Variants in KALRN observed in about 807,000 individuals in gnomAD.
The protein encoded by KALRN is kalirin RhoGEF kinase, also known as kalirin.
A neutral mutation model predicts 353.7 loss-of-function variants in KALRN; 70 were observed. That is an observed-to-expected ratio of 0.20 (90% CI 0.16 to 0.24). The LOEUF (loss-of-function observed/expected upper bound fraction) is 0.24. Ranked by LOEUF, KALRN falls within the 10% of genes least tolerant of loss-of-function variation. KALRN has a pLI of 1.00. For missense variants in KALRN, 2,791 were observed against 3,756.7 expected, an observed-to-expected ratio of 0.74 and a Z score of 6.72; for synonymous variants, 1,391 against 1,434.8, an observed-to-expected ratio of 0.97 and a Z score of 0.69.
At chr3:124,294,555 C>T (rs1427347604) in intron 5 of KALRN, among the ~76,000 whole-genome samples, 2 of 91,326 alleles carry the variant, frequency 2.2e-5, no homozygotes, top group African/African-American at 4.2e-5. Flanking sequence ...GATGGAGTCT[C>T]GCACTGTTCC....
chr3:124,110,833 A>G (rs1285183840), intron 1 of KALRN, among the ~76,000 whole-genome samples: 4 of 152,202 alleles, frequency 2.6e-5, no homozygotes, highest in Non-Finnish European at 4.4e-5. Flanking sequence ...AGCCTAGCTT[A>G]GAGTGAATGT....
chr3:124,657,979 C>T (rs2084295437), intron 41 of KALRN, among the ~76,000 whole-genome samples, 176 bp downstream of exon 41: 1 of 152,036 alleles, frequency 6.6e-6, no homozygotes. Flanking sequence ...ATAGTGAGGC[C>T]CCCATCTCTA....
intron 34 of KALRN, among the ~76,000 whole-genome samples, chr3:124,572,228 G>T (rs1312012586): frequency 1.3e-5 from 2 of 151,748 alleles, no homozygotes; most frequent in Non-Finnish European, 2.9e-5. Flanking sequence ...GGGTGGAGGT[G>T]GGGGAAGGGC....
intron 8 of KALRN, among the ~76,000 whole-genome samples, chr3:124,333,637 A>T (rs1305375729): frequency 2.0e-5 from 3 of 151,942 alleles, no homozygotes; most frequent in African/African-American, 7.3e-5. Flanking sequence ...CCTGTAATCC[A>T]AGCACTTTGG....
At chr3:124,089,540 G>T (rs559473054) in intron 1 of KALRN, among the ~76,000 whole-genome samples, 1 of 152,304 alleles carries the variant, frequency 6.6e-6, no homozygotes, top group East Asian at 1.9e-4. Context: ...TGGAGGAACT[G>T]CATGACTGGC....
intron 1 of KALRN, among the ~76,000 whole-genome samples, chr3:124,221,354 G>A (rs1044117260): frequency 5.3e-5 from 8 of 152,144 alleles, no homozygotes; most frequent in Non-Finnish European, 8.8e-5. Context: ...GTGCCTGTGC[G>A]TGGTCAGTTT....
At chr3:124,223,191 A>G (rs1041350547) in intron 1 of KALRN, among the ~76,000 whole-genome samples, 1 of 151,684 alleles carries the variant, frequency 6.6e-6, no homozygotes, top group Admixed American at 6.6e-5. Flanking sequence ...TATTTGTCTT[A>G]CTGTCACTGA....
intron 1 of KALRN, chr3:124,080,001 C>T (rs2060457212): frequency 4.3e-6 from 2 of 470,000 alleles, no homozygotes; most frequent in South Asian, 3.1e-5. Flanking sequence ...TCTCAGAATC[C>T]CCATAGCATT....
At chr3:124,467,927 C>T (rs902568926) in intron 25 of KALRN, among the ~76,000 whole-genome samples, 4 of 151,852 alleles carry the variant, frequency 2.6e-5, no homozygotes, top group South Asian at 2.1e-4. Flanking sequence ...GAGGCAATGA[C>T]GGTGGGAGGG....
At chr3:124,173,759 G>T (rs1485002700) in intron 1 of KALRN, among the ~76,000 whole-genome samples, 1 of 152,172 alleles carries the variant, frequency 6.6e-6, no homozygotes, top group East Asian at 1.9e-4. Flanking sequence ...GGGATTACAG[G>T]CATGTGCCAC....
At chr3:124,384,763 G>A (rs749190643) in intron 10 of KALRN, 82 bp from the exon 11 acceptor site, 159 of 1,375,252 alleles carry the variant, frequency 1.2e-4, no homozygotes, top group Non-Finnish European at 1.5e-4. Flanking sequence ...ACGCCCCTCC[G>A]CTTCAGCTCC....
intron 33 of KALRN, among the ~76,000 whole-genome samples, chr3:124,558,777 G>A (rs1275485207): frequency 6.6e-6 from 1 of 152,236 alleles, no homozygotes; most frequent in African/African-American, 2.4e-5. Context: ...GAGCTGCAGA[G>A]CCCATGCCCT....
intron 3 of KALRN, among the ~76,000 whole-genome samples, chr3:124,238,289 A>T (rs1285836101): frequency 6.6e-6 from 1 of 152,166 alleles, no homozygotes; most frequent in Non-Finnish European, 1.5e-5. Context: ...TGCCCCAGAA[A>T]TGAGGGAACA....
chr3:124,159,715 C>T (rs1472480135), intron 1 of KALRN, among the ~76,000 whole-genome samples: 1 of 152,088 alleles, frequency 6.6e-6, no homozygotes, highest in African/African-American at 2.4e-5. Context: ...CCCTCCAGTC[C>T]AGGGCAAAAT....
chr3:124,472,668 A>G (rs1435640126), intron 25 of KALRN, among the ~76,000 whole-genome samples: 2 of 152,074 alleles, frequency 1.3e-5, no homozygotes, highest in Admixed American at 1.3e-4. Context: ...ACAGAAAAGT[A>G]TATTTCCCTT....
intron 3 of KALRN, among the ~76,000 whole-genome samples, chr3:124,240,495 C>T (rs1197219610): frequency 6.6e-6 from 1 of 152,132 alleles, no homozygotes; most frequent in Non-Finnish European, 1.5e-5. Context: ...GAGAGGAGAG[C>T]TTTGTGAGAG....
intron 25 of KALRN, among the ~76,000 whole-genome samples, chr3:124,469,186 A>G (rs937168860): frequency 2.6e-5 from 4 of 152,272 alleles, no homozygotes; most frequent in African/African-American, 9.6e-5. Context: ...GATATTGGCA[A>G]AAACATATTC....
intron 5 of KALRN, among the ~76,000 whole-genome samples, chr3:124,274,413 A>G (rs1271290252): frequency 2.6e-5 from 4 of 152,186 alleles, no homozygotes; most frequent in Non-Finnish European, 4.4e-5. Context: ...GCATAACTAG[A>G]CTTAACTGAT....
rs369008691 is a variant in KALRN, at chr3:124,430,672, G to T, written c.2726G>T (p.Arg909Leu). Residue 909 changes from arginine (R) to leucine (L), a missense_variant, in exon 16 of 60, where the codon CGC (arginine) becomes CTC (leucine). Arg to Leu is a moderately radical substitution (Grantham distance 102, BLOSUM62 -2). This residue lies in a region of KALRN where 452 missense variants were observed against 575.8 expected (regional missense o/e 0.78). Coordinates refer to ENST00000682506, the MANE Select transcript of KALRN (RefSeq NM_001388419.1). Reference protein sequence around the residue: ...AEVKQVLGWIRNGESMLNASL... With the variant: ...AEVKQVLGWILNGESMLNASL... ...ATTCCCTAGGTTCTGGGATGGATCC[G>T]CAATGGAGAGTCAATGCTCAACGCC... The T allele has an allele frequency of 1.2e-6, 2 of 1,614,084 alleles. No homozygotes were observed. Among genetic ancestry groups the T allele is most frequent in the Non-Finnish European group, 1.7e-6 (2 of 1,179,954 alleles).
Sources: allele counts gnomAD v4.1 joint callset (sites outside exome capture counted in the v4.1 genomes callset), GRCh38; gene constraint gnomAD v4.1.1; regional missense constraint gnomAD v4.1.1; transcripts MANE v1.5; gene names NCBI Gene and HGNC (gene_info 2026-07-23, HGNC 2026-07-21).